Variants in AKT3 observed in about 807,000 individuals in gnomAD.
AKT3 encodes RAC-gamma serine/threonine-protein kinase.
A neutral mutation model predicts 65.3 loss-of-function variants in AKT3; 15 were observed. That is an observed-to-expected ratio of 0.23 (90% CI 0.15 to 0.35). The LOEUF is 0.35. Ranked by LOEUF, AKT3 falls within the 10% of genes least tolerant of loss-of-function variation. The probability of loss-of-function intolerance (pLI) is 1.00; values close to 1 mark genes in which losing one functional copy is unlikely to be tolerated. For synonymous variants in AKT3, 206 were observed against 183.8 expected, an observed-to-expected ratio of 1.12 and a Z score of -0.98; for missense variants, 243 against 576.5, an observed-to-expected ratio of 0.42 and a Z score of 5.92.
intron 12 of AKT3, among the ~76,000 whole-genome samples, chr1:243,514,895 C>T (rs1670251696): frequency 6.6e-6 from 1 of 152,144 alleles, no homozygotes; most frequent in African/African-American, 2.4e-5. Context: ...GAAACTGTCA[C>T]CAAAATCAAG....
chr1:243,593,330 A>T (rs1676365610), intron 8 of AKT3, among the ~76,000 whole-genome samples: 1 of 152,216 alleles, frequency 6.6e-6, no homozygotes, highest in Non-Finnish European at 1.5e-5. Flanking sequence ...ATTATGACTA[A>T]AAGATGGTTA....
intron 2 of AKT3, among the ~76,000 whole-genome samples, chr1:243,785,977 A>T (rs532317760): frequency 3.9e-5 from 6 of 152,304 alleles, no homozygotes; most frequent in Admixed American, 3.9e-4. Flanking sequence ...TCAGAAAGAT[A>T]CTCTGCAAGT....
At chr1:243,514,504 G>A (rs778705293) in intron 12 of AKT3, among the ~76,000 whole-genome samples, 2 of 151,984 alleles carry the variant, frequency 1.3e-5, no homozygotes, top group East Asian at 1.9e-4. Context: ...AAGACTTTGC[G>A]ACATCTGATA....
chr1:243,510,026 GA>G, intron 13 of AKT3, among the ~76,000 whole-genome samples: 1 of 152,300 alleles, frequency 6.6e-6, no homozygotes, highest in Non-Finnish European at 1.5e-5. Flanking sequence ...CTCCTGGCTT[GA>G]CATTTTAGAG....
intron 2 of AKT3, among the ~76,000 whole-genome samples, chr1:243,841,554 AT>A (rs1695242314): frequency 6.6e-6 from 1 of 152,238 alleles, no homozygotes. Context: ...ATTGAAAGAA[AT>A]TACACTTGAC....
chr1:243,582,447 C>CAA (rs59718769), intron 8 of AKT3, among the ~76,000 whole-genome samples: 41 of 101,524 alleles, frequency 4.0e-4, no homozygotes, highest in African/African-American at 1.2e-3. Context: ...TTAGCTTTCT[C>CAA]AAAAAAAAAA....
intron 13 of AKT3, among the ~76,000 whole-genome samples, chr1:243,510,270 C>G (rs570386301): frequency 6.6e-6 from 1 of 152,280 alleles, no homozygotes; most frequent in Admixed American, 6.5e-5. Flanking sequence ...TGTATTCATG[C>G]ACCTAACAAG....
At chr1:243,815,981 T>G (rs1260559921) in intron 2 of AKT3, among the ~76,000 whole-genome samples, 1 of 152,108 alleles carries the variant, frequency 6.6e-6, no homozygotes, top group African/African-American at 2.4e-5. Flanking sequence ...CAATAAGGTT[T>G]TATTATACAG....
chr1:243,604,459 C>G (rs969579559), intron 8 of AKT3, among the ~76,000 whole-genome samples: 2 of 152,270 alleles, frequency 1.3e-5, no homozygotes, highest in East Asian at 3.9e-4. Context: ...ATGCATTATC[C>G]ACACTGTGCT....
chr1:243,518,064 G>A (rs1028825536), intron 12 of AKT3, among the ~76,000 whole-genome samples: 14 of 152,180 alleles, frequency 9.2e-5, no homozygotes, highest in African/African-American at 2.9e-4. Flanking sequence ...AAAATTATAC[G>A]AATAAGAACT....
chr1:243,778,417 T>A (rs1330220937), intron 2 of AKT3, among the ~76,000 whole-genome samples: 2 of 152,112 alleles, frequency 1.3e-5, no homozygotes, highest in Non-Finnish European at 2.9e-5. Context: ...TCTTAAAAGA[T>A]ATGAAGAAGA....
At chr1:243,584,451 C>T (rs1675644517) in intron 8 of AKT3, among the ~76,000 whole-genome samples, 1 of 152,110 alleles carries the variant, frequency 6.6e-6, no homozygotes, top group Non-Finnish European at 1.5e-5. Flanking sequence ...AAGCCAGTAA[C>T]ATCCTGATAC....
At chr1:243,538,673 C>T (rs896163961) in intron 12 of AKT3, among the ~76,000 whole-genome samples, 1 of 151,758 alleles carries the variant, frequency 6.6e-6, no homozygotes, top group African/African-American at 2.4e-5. Context: ...AATATTGCTG[C>T]CATCTATACA....
chr1:243,789,469 T>C (rs1572351965), intron 2 of AKT3, among the ~76,000 whole-genome samples: 1 of 152,212 alleles, frequency 6.6e-6, no homozygotes, highest in Admixed American at 6.5e-5. Flanking sequence ...AACAATTCAG[T>C]TCCATCTTCA....
At chr1:243,684,303 C>A (rs1432276010) in intron 3 of AKT3, among the ~76,000 whole-genome samples, 1 of 152,106 alleles carries the variant, frequency 6.6e-6, no homozygotes, top group Non-Finnish European at 1.5e-5. Flanking sequence ...GCTATCCCTC[C>A]CCTAGCCCCC....
At chr1:243,506,739 G>A (rs964884909) in intron 13 of AKT3, among the ~76,000 whole-genome samples, 6 of 152,182 alleles carry the variant, frequency 3.9e-5, no homozygotes, top group African/African-American at 9.7e-5. Flanking sequence ...CACTGAACTC[G>A]GAGGCCCTCT....
chr1:243,755,578 CTA>C (rs1160947387), intron 2 of AKT3, among the ~76,000 whole-genome samples: 2 of 152,108 alleles, frequency 1.3e-5, no homozygotes, highest in African/African-American at 4.8e-5. Flanking sequence ...ATCATGTTCT[CTA>C]TGTTACAGAA....
At chr1:243,721,562 G>C (rs1480839797) in intron 2 of AKT3, among the ~76,000 whole-genome samples, 1 of 152,068 alleles carries the variant, frequency 6.6e-6, no homozygotes, top group East Asian at 1.9e-4. Context: ...TGTTATAGGA[G>C]TGTTGGCCAT....
intron 2 of AKT3, among the ~76,000 whole-genome samples, chr1:243,833,437 C>T (rs902100107): frequency 1.3e-5 from 2 of 150,080 alleles, no homozygotes; most frequent in Non-Finnish European, 2.9e-5. Flanking sequence ...AGGGGAAGAA[C>T]CCCTTATAAA....
Sources: gnomAD v4.1 joint callset for allele counts (sites outside exome capture counted in the v4.1 genomes callset) on GRCh38, gnomAD v4.1.1 for gene constraint, MANE v1.5 for transcripts, NCBI Gene and HGNC (gene_info 2026-07-23, HGNC 2026-07-21) for gene names.